KIF1A: variants seen among roughly 807,000 people sequenced by gnomAD.
KIF1A encodes the protein kinesin-like protein KIF1A.
In KIF1A, 46 loss-of-function variants were observed where a neutral mutation model predicts 227.3. The observed-to-expected ratio is 0.20, with a 90% CI of 0.16 to 0.26. KIF1A has a LOEUF of 0.26. Among genes scored for constraint, KIF1A ranks in the 10% least tolerant of loss-of-function variants. The pLI is 1.00. For synonymous variants in KIF1A, 1,022 were observed against 1,012.8 expected (o/e 1.01, Z -0.17); for missense variants, 1,683 against 2,485.9 (o/e 0.68, Z 6.87).
rs564589924 is a variant in KIF1A, at chr2:240,740,175, C to A, written c.3817-33G>T. The A allele has an allele frequency of 2.5e-6, 4 of 1,584,180 alleles. No homozygotes were observed. Among genetic ancestry groups the A allele is most frequent in the Non-Finnish European group, 3.4e-6 (4 of 1,163,418 alleles). ...TGCCAGGTGAGAGGATATGGTCAGA[C>A]GGCTCAGGGGGCTACGTAGGGTGAG... On this transcript the variant is annotated intron_variant, in intron 36 of 48. Transcript: ENST00000498729. This position sits in a 1 kb window ranked among gnomAD's most constrained non-coding sequence, Gnocchi z 6.1.
In KIF1A at chr2:240,717,304, C is replaced by G; in HGVS notation, c.*60G>C. ...AGGGGCTGGGCGGCAGGTGACAGGA[C>G]AGACGAGGATGAGGGAGGGGATGGG... is the stretch of plus-strand genomic sequence containing the variant. On this transcript the variant is annotated 3_prime_UTR_variant, in exon 49 of 49. Coordinates refer to ENST00000498729, the MANE Select transcript of KIF1A (RefSeq NM_001244008.2). 6.6e-7 allele frequency: 1 copy of G among 1,511,392 alleles called. No homozygotes were observed. The highest frequency in any genetic ancestry group is 9.1e-7 in the Non-Finnish European group (1 of 1,093,556). The allele number at this position is 1,511,392 out of a possible 1,614,324, so 93.6% of individuals were successfully genotyped here.
At position 240,739,977 on chromosome 2, in the gene KIF1A, A is replaced by C. The variant is rs1575552088; in HGVS notation, c.3901+81T>G. 7 of 1,092,174 alleles carry C rather than the reference A, an allele frequency of 6.4e-6. No homozygotes were observed. The highest frequency in any genetic ancestry group is 9.6e-6 in the Non-Finnish European group (7 of 732,036). The allele number at this position is 1,092,174 out of a possible 1,614,324, so 67.7% of individuals were successfully genotyped here. On this transcript the variant is annotated intron_variant, in intron 37 of 48. Transcript: ENST00000498729. This position sits in a 1 kb window ranked among gnomAD's most constrained non-coding sequence, Gnocchi z 5.6. The stretch of plus-strand genomic sequence containing the variant: ...CAACAGACGCAGAGGTGTGGTTAGA[A>C]CCCGGGTATCCAGCTCAGGGCCTGT...
intron 1 of KIF1A, among the ~76,000 whole-genome samples, chr2:240,803,549 T>C (rs1302347911): frequency 6.6e-6 from 1 of 152,244 alleles, no homozygotes; most frequent in African/African-American, 2.4e-5. Context: ...TTGGTTTACC[T>C]TTACCTTTAT....
At chr2:240,819,714 C>T (rs910309138) in intron 1 of KIF1A, among the ~76,000 whole-genome samples, 1 of 152,100 alleles carries the variant, frequency 6.6e-6, no homozygotes, top group Admixed American at 6.5e-5. Context: ...TGGGCGCAGC[C>T]CCTCCCGCAG....
chr2:240,749,706 C>T (rs539776119), intron 28 of KIF1A, among the ~76,000 whole-genome samples: 20 of 79,492 alleles, frequency 2.5e-4, no homozygotes, highest in African/African-American at 9.0e-4. Context: ...AGCATTACAA[C>T]GGATCCCGTT....
chr2:240,770,849 T>C, intron 15 of KIF1A, 122 bp downstream of exon 15: 3 of 1,244,932 alleles, frequency 2.4e-6, no homozygotes, highest in Admixed American at 4.5e-5. Flanking sequence ...AGGCTCCTGC[T>C]GATGCTCCAC....
At chr2:240,731,810 A>G (rs2046636807) in intron 38 of KIF1A, among the ~76,000 whole-genome samples, 1 of 150,984 alleles carries the variant, frequency 6.6e-6, no homozygotes, top group East Asian at 2.0e-4. Flanking sequence ...AGCAGTCCCC[A>G]TCACTGCTGT....
Position 240,725,422 on chromosome 2 carries a change from A to C in KIF1A, c.4123-18T>G, listed in dbSNP as rs2125622525. On this transcript the variant is annotated intron_variant, in intron 39 of 48. Coordinates refer to ENST00000498729, the MANE Select transcript of KIF1A (RefSeq NM_001244008.2). The surrounding 1 kb of genome is among the most constrained non-coding windows in gnomAD (Gnocchi z 5.8). ...TTCTCCATCTGAGATAGGCGGGAGC[A>C]GGACTCAGGCACAAGGACACCCCGA... 1 of 1,611,010 alleles carries C rather than the reference A, an allele frequency of 6.2e-7. No homozygotes were observed. Among genetic ancestry groups the C allele is most frequent in the Non-Finnish European group, 8.5e-7 (1 of 1,179,036 alleles).
intron 17 of KIF1A, among the ~76,000 whole-genome samples, chr2:240,767,732 G>A (rs1381991266): frequency 6.6e-6 from 1 of 152,248 alleles, no homozygotes; most frequent in Non-Finnish European, 1.5e-5. Flanking sequence ...TTTGTCCCAT[G>A]GGGTCCTGGG....
rs1356399506 is a variant in KIF1A at position 240,807,130 on chromosome 2, G to GTGTATATATATATATATATA, written c.-60-9319_-60-9318insTATATATATATATATATACA. 1.9e-4 allele frequency among the ~76,000 whole-genome samples: 23 copies of GTGTATATATATATATATATA among 119,492 alleles called. 1 individual carries two copies. The South Asian group carries it at 3.5e-3, about 18-fold the overall frequency. 78.4% of individuals were successfully genotyped at this position (119,492 alleles called of 152,430 possible). A position where few individuals can be genotyped will look rare whatever the true frequency, so the allele number is the denominator to read the frequency against. ...TGTGTGTGTGTGTGTGTGTGTGTGT[G>GTGTATATATATATATATATA]TATATATATATATATATATATACAC... is the stretch of plus-strand genomic sequence containing the variant. On this transcript the variant is annotated intron_variant, in intron 1 of 48. Coordinates refer to ENST00000498729, the MANE Select transcript of KIF1A (RefSeq NM_001244008.2).
chr2:240,750,855 C>A (rs2125827180), intron 27 of KIF1A, among the ~76,000 whole-genome samples: 1 of 152,264 alleles, frequency 6.6e-6, no homozygotes, highest in African/African-American at 2.4e-5. Flanking sequence ...GAGGTTTCAG[C>A]CTGCTTCAAG....
At chr2:240,759,935 TGAGCCCAG>T (rs1196363751) in intron 25 of KIF1A, among the ~76,000 whole-genome samples, 1 of 151,832 alleles carries the variant, frequency 6.6e-6, no homozygotes, top group Non-Finnish European at 1.5e-5. Context: ...AACAATCACT[TGAGCCCAG>T]GAGTTTGAGC....
intron 46 of KIF1A, 34 bp from the exon 47 acceptor site, chr2:240,719,232 C>T (rs549837298): frequency 1.4e-4 from 224 of 1,577,274 alleles, no homozygotes; most frequent in South Asian, 1.2e-3. Flanking sequence ...CTGGGGCCCT[C>T]GGTGGGGGCA....
chr2:240,729,530 C>CTGCCTG (rs917689712), intron 38 of KIF1A, among the ~76,000 whole-genome samples: 2 of 152,204 alleles, frequency 1.3e-5, no homozygotes, highest in Admixed American at 1.3e-4. Flanking sequence ...AAGGAACAAG[C>CTGCCTG]CCAGTGAGGC....
intron 38 of KIF1A, among the ~76,000 whole-genome samples, chr2:240,732,124 G>GGAAGGGAGGAGGGGAGGAGGAA (rs2046743557): frequency 4.0e-5 from 1 of 24,980 alleles, no homozygotes; most frequent in Non-Finnish European, 7.6e-5. Flanking sequence ...AGGGATGAGG[G>GGAAGGGAGGAGGGGAGGAGGAA]GAGGGGAGGA....
intron 32 of KIF1A, among the ~76,000 whole-genome samples, 152 bp from the exon 33 acceptor site, chr2:240,744,212 G>C (rs2048330485): frequency 6.6e-6 from 1 of 152,140 alleles, no homozygotes; most frequent in African/African-American, 2.4e-5. Context: ...CCTCCTCTAG[G>C]CCCTTCAGCC....
intron 20 of KIF1A, 47 bp downstream of exon 20, chr2:240,765,663 C>T (rs747951106): frequency 6.9e-7 from 1 of 1,456,154 alleles, no homozygotes; most frequent in South Asian, 1.2e-5. Context: ...GAGGCCTCGC[C>T]TCATGCCTCT....
intron 1 of KIF1A, among the ~76,000 whole-genome samples, chr2:240,803,870 A>G (rs1387073862): frequency 6.6e-6 from 1 of 152,258 alleles, no homozygotes; most frequent in Non-Finnish European, 1.5e-5. Flanking sequence ...ATTTTAAAAA[A>G]TCATTACCAA....
Position 240,769,480 on chromosome 2 carries a change from G to A in KIF1A, c.1421+147C>T, listed in dbSNP as rs968414019. ...CAAGGTGGGGGTCATTGGCGATGAG[G>A]GAACAGGTTTGCCCTGGGCTGGGAT... On this transcript the variant is annotated intron_variant, in intron 16 of 48. Coordinates refer to ENST00000498729, the MANE Select transcript of KIF1A (RefSeq NM_001244008.2). The A allele has an allele frequency of 5.1e-5, 35 of 683,638 alleles. No individual in the cohort carries two copies. In the East Asian group the frequency reaches 8.1e-4, roughly 16 times the overall value. The allele number at this position is 683,638 out of a possible 1,614,324, so 42.3% of individuals were successfully genotyped here.
Sources: allele counts gnomAD v4.1 joint callset (sites outside exome capture counted in the v4.1 genomes callset), GRCh38; gene constraint gnomAD v4.1.1; non-coding constraint Gnocchi (gnomAD v3.1); transcripts MANE v1.5; gene names NCBI Gene and HGNC (gene_info 2026-07-23, HGNC 2026-07-21).